The following CBFA2T2 variants were observed in gnomAD, a reference collection of about 807,000 sequenced individuals.
CBFA2T2 encodes the protein protein CBFA2T2.
A neutral mutation model predicts 62.2 loss-of-function variants in CBFA2T2; 11 were observed. That is an observed-to-expected ratio of 0.18 (90% CI 0.11 to 0.29). The LOEUF is 0.29. Ranked by LOEUF, CBFA2T2 falls within the 10% of genes least tolerant of loss-of-function variation. The probability of loss-of-function intolerance (pLI) is 1.00; values close to 1 mark genes in which losing one functional copy is unlikely to be tolerated. For synonymous variants in CBFA2T2, 295 were observed against 287.5 expected (o/e 1.03, Z -0.27); for missense variants, 592 against 774.1 (o/e 0.76, Z 2.79).
intron 2 of CBFA2T2, among the ~76,000 whole-genome samples, chr20:33,609,303 C>G (rs1042161418): frequency 6.6e-6 from 1 of 152,100 alleles, no homozygotes; most frequent in African/African-American, 2.4e-5. Flanking sequence ...GAGTTCGAGA[C>G]CAGCCTGGCC....
chr20:33,518,401 G>A (rs1159014601), intron 1 of CBFA2T2, among the ~76,000 whole-genome samples: 1 of 152,048 alleles, frequency 6.6e-6, no homozygotes, highest in Non-Finnish European at 1.5e-5. Context: ...TATGGACTAG[G>A]TAGATATATT....
chr20:33,505,799 A>C (rs1600906454), intron 1 of CBFA2T2, among the ~76,000 whole-genome samples: 1 of 151,870 alleles, frequency 6.6e-6, no homozygotes, highest in South Asian at 2.1e-4. Context: ...AAAAAGAAAG[A>C]AATGGAAGGG....
rs573087345 is a variant in CBFA2T2 at position 33,507,029 on chromosome 20, T to G, written c.34+16728T>G. 5.3e-5 allele frequency among the ~76,000 whole-genome samples: 8 copies of G among 152,342 alleles called. No homozygotes were observed. In the East Asian group the frequency reaches 1.3e-3, roughly 26 times the overall value. ...ATTTTAGCTTACTTGCCAGTTCAGT[T>G]TCTTGGTGTTACCCTGTTAGTTAAA... On this transcript the variant is annotated intron_variant, in intron 1 of 10. Coordinates refer to ENST00000342704, the MANE Select transcript of CBFA2T2 (RefSeq NM_001032999.3).
intron 1 of CBFA2T2, among the ~76,000 whole-genome samples, chr20:33,586,794 T>C (rs1180407404): frequency 6.6e-6 from 1 of 152,192 alleles, no homozygotes; most frequent in East Asian, 1.9e-4. Flanking sequence ...CTCTTTTCCT[T>C]GAAGGTTCAT....
intron 8 of CBFA2T2, among the ~76,000 whole-genome samples, chr20:33,636,128 C>T (rs1180340359): frequency 6.6e-6 from 1 of 151,866 alleles, no homozygotes; most frequent in Non-Finnish European, 1.5e-5. Flanking sequence ...GGGTGGCGCA[C>T]ACCTGTACTC....
chr20:33,513,307 C>T (rs1477623222), intron 1 of CBFA2T2, among the ~76,000 whole-genome samples: 3 of 151,196 alleles, frequency 2.0e-5, no homozygotes, highest in African/African-American at 4.9e-5. Flanking sequence ...GGCATACAGT[C>T]GTGAAGAAAA....
At chr20:33,634,248 T>G (rs2016551237) in intron 8 of CBFA2T2, among the ~76,000 whole-genome samples, 3 of 152,070 alleles carry the variant, frequency 2.0e-5, no homozygotes, top group Admixed American at 6.5e-5. Context: ...ATTACACACA[T>G]GAGCCACTGC....
intron 3 of CBFA2T2, among the ~76,000 whole-genome samples, chr20:33,615,517 TGTC>T (rs139633033): frequency 6.6e-6 from 1 of 152,274 alleles, no homozygotes; most frequent in East Asian, 1.9e-4. Flanking sequence ...ATTTATCTGT[TGTC>T]GTTAAAAATC....
At chr20:33,570,376 A>G (rs1281792713) in intron 1 of CBFA2T2, among the ~76,000 whole-genome samples, 2 of 152,252 alleles carry the variant, frequency 1.3e-5, no homozygotes, top group Non-Finnish European at 2.9e-5. Flanking sequence ...GCCTCTAGGT[A>G]GAGCAATGTG....
chr20:33,594,193 T>A (rs1270689354), intron 1 of CBFA2T2, among the ~76,000 whole-genome samples: 1 of 152,166 alleles, frequency 6.6e-6, no homozygotes, highest in Non-Finnish European at 1.5e-5. Context: ...ATTTAAGAGC[T>A]GGACTGTCAG....
intron 1 of CBFA2T2, among the ~76,000 whole-genome samples, chr20:33,572,859 TC>T (rs1448200499): frequency 4.6e-5 from 7 of 152,226 alleles, no homozygotes; most frequent in African/African-American, 1.7e-4. Context: ...AGATCATTCT[TC>T]CTGTCATATA....
At chr20:33,561,411 A>G (rs889880418) in intron 1 of CBFA2T2, among the ~76,000 whole-genome samples, 6 of 152,234 alleles carry the variant, frequency 3.9e-5, no homozygotes, top group African/African-American at 9.6e-5. Context: ...TTATTTTAAA[A>G]TGTAGATTCA....
At chr20:33,515,894 A>G (rs1340141071) in intron 1 of CBFA2T2, among the ~76,000 whole-genome samples, 1 of 152,032 alleles carries the variant, frequency 6.6e-6, no homozygotes, top group Non-Finnish European at 1.5e-5. Context: ...GAGAAGGCTC[A>G]TACCTGTAAT....
chr20:33,614,860 G>A (rs181908234), intron 3 of CBFA2T2, among the ~76,000 whole-genome samples: 2 of 152,294 alleles, frequency 1.3e-5, no homozygotes, highest in East Asian at 3.9e-4. Context: ...TTATATCAAT[G>A]TAGGAAACTG....
chr20:33,616,083 A>AGATG (rs1157198040), intron 3 of CBFA2T2, among the ~76,000 whole-genome samples: 2 of 69,244 alleles, frequency 2.9e-5, no homozygotes, highest in Non-Finnish European at 6.1e-5. Context: ...AGATAGAGAT[A>AGATG]GATAGATAGA....
intron 1 of CBFA2T2, among the ~76,000 whole-genome samples, chr20:33,522,216 T>G (rs1273373393): frequency 6.6e-6 from 1 of 152,068 alleles, no homozygotes; most frequent in Non-Finnish European, 1.5e-5. Flanking sequence ...CTACAGAAAA[T>G]AAGTTATTCC....
intron 1 of CBFA2T2, among the ~76,000 whole-genome samples, chr20:33,513,168 C>T (rs985868881): frequency 5.3e-5 from 8 of 152,152 alleles, no homozygotes; most frequent in Admixed American, 5.2e-4. Flanking sequence ...CAGAGTTGTT[C>T]TATCAGCCAA....
At chr20:33,536,293 G>A (rs1253266980) in intron 1 of CBFA2T2, among the ~76,000 whole-genome samples, 6 of 144,836 alleles carry the variant, frequency 4.1e-5, no homozygotes, top group South Asian at 2.2e-4. Flanking sequence ...CTGGCCGGGC[G>A]GGGGGCTGAC....
chr20:33,553,319 C>T (rs946545047), intron 1 of CBFA2T2, among the ~76,000 whole-genome samples: 2 of 152,322 alleles, frequency 1.3e-5, no homozygotes, highest in African/African-American at 4.8e-5. Flanking sequence ...CTCCACCTCC[C>T]GGGTTCAAGC....
Sources: allele counts gnomAD v4.1 joint callset (sites outside exome capture counted in the v4.1 genomes callset), GRCh38; gene constraint gnomAD v4.1.1; transcripts MANE v1.5; gene names NCBI Gene and HGNC (gene_info 2026-07-23, HGNC 2026-07-21).